ABHD2: variants seen among roughly 807,000 people sequenced by gnomAD.
ABHD2 encodes the protein monoacylglycerol lipase ABHD2.
ABHD2 carries 20 observed loss-of-function variants against 48.1 expected under a neutral mutation model. That is an observed-to-expected ratio of 0.42 (90% CI 0.29 to 0.60). The LOEUF is 0.60. Among genes scored for constraint, ABHD2 ranks in the 20% least tolerant of loss-of-function variants. The pLI, the probability that ABHD2 is intolerant of heterozygous loss-of-function variation, is 0.24. For missense variants in ABHD2, 405 were observed against 550.9 expected (o/e 0.74, Z 2.65); for synonymous variants, 209 against 214.2 (o/e 0.98, Z 0.21).
chr15:89,134,472 C>G (rs536884572), intron 3 of ABHD2, among the ~76,000 whole-genome samples: 2 of 152,194 alleles, frequency 1.3e-5, no homozygotes, highest in South Asian at 2.1e-4. Flanking sequence ...TATTTCCAGT[C>G]TTTTGTGTTC....
chr15:89,054,939 A>G, the ABHD2 span, among the ~76,000 whole-genome samples: 1 of 152,172 alleles, frequency 6.6e-6, no homozygotes, highest in African/African-American at 2.4e-5. Context: ...TCAATCTTCT[A>G]TTGTTGCCAG....
chr15:89,047,207 T>A, the ABHD2 span, among the ~76,000 whole-genome samples: 21 of 152,192 alleles, frequency 1.4e-4, no homozygotes, highest in Non-Finnish European at 2.4e-4. Flanking sequence ...TTGAGCGGTT[T>A]TAAGTGAGAT....
Position 89,146,406 on chromosome 15 carries a change from G to A in ABHD2, c.195-5271G>A, listed in dbSNP as rs898273431. Among the ~76,000 whole-genome samples, 5 of 148,714 alleles carry A rather than the reference G, an allele frequency of 3.4e-5. 1 individual carries two copies. The highest frequency in any genetic ancestry group is 1.2e-4 in the African/African-American group (5 of 40,372). On this transcript the variant is annotated intron_variant, in intron 3 of 10. Coordinates refer to ENST00000352732, the MANE Select transcript of ABHD2 (RefSeq NM_152924.5). This position sits in a 1 kb window ranked among gnomAD's most constrained non-coding sequence, Gnocchi z 4.2. ...TGTGTGTGTGTGTGTGTGTACGTATGTATATGGGGGGTGGGAGGGAGATCC... is the reference window on the plus strand; with the variant it reads ...TGTGTGTGTGTGTGTGTGTACGTATATATATGGGGGGTGGGAGGGAGATCC...
At position 89,185,562 on chromosome 15, in the gene ABHD2, T is replaced by C. The variant is rs1394699360; in HGVS notation, c.815+46T>C. ...TCTCAGGAGACAGACAGTTCCTTCC[T>C]GAGCTCATCTGGGAACCGTGAAAAG... On this transcript the variant is annotated intron_variant, in intron 7 of 10. Transcript: ENST00000352732. The surrounding 1 kb of genome is among the most constrained non-coding windows in gnomAD (Gnocchi z 5.9). 6.4e-7 allele frequency: 1 copy of C among 1,551,650 alleles called. No homozygotes were observed. Among genetic ancestry groups the C allele is most frequent in the South Asian group, 1.1e-5 (1 of 89,536 alleles).
Position 89,151,778 on chromosome 15 carries a change from A to T in ABHD2, c.296A>T (p.Lys99Met). 1 of 1,614,244 alleles carries T rather than the reference A, an allele frequency of 6.2e-7. No homozygotes were observed. Among genetic ancestry groups the T allele is most frequent in the Non-Finnish European group, 8.5e-7 (1 of 1,180,038 alleles). ...VRSPHPYGHRKFITMSDGATS... is the reference protein window; with the variant it reads ...VRSPHPYGHRMFITMSDGATS... ...TCGCCACATCCTTATGGGCACCGGA[A>T]GTTCATCACTATGTCTGATGGAGCC... Residue 99 changes from lysine to methionine, a missense_variant, in exon 4 of 11, where the codon AAG becomes ATG. Physicochemically the swap from Lys to Met is moderately conservative, Grantham distance 95. Coordinates refer to ENST00000352732, the MANE Select transcript of ABHD2 (RefSeq NM_152924.5). This position sits in a 1 kb window ranked among gnomAD's most constrained non-coding sequence, Gnocchi z 4.7.
rs1030975282 is a variant in ABHD2, at chr15:89,106,278, A to G, written c.-106-7447A>G. ...GTGCCATTGCACTGCAGCTTGGGCG[A>G]CAAGAGCGAAACTCCATCTCAAAAA... On this transcript the variant is annotated intron_variant, in intron 1 of 10. Transcript: ENST00000352732. The surrounding 1 kb of genome is among the most constrained non-coding windows in gnomAD (Gnocchi z 4.2). 1 of 152,894 alleles carries G rather than the reference A, an allele frequency of 6.5e-6. No individual in the cohort carries two copies. The highest frequency in any genetic ancestry group is 2.4e-5 in the African/African-American group (1 of 41,470). The allele number at this position is 152,894 out of a possible 1,614,324, so 9.5% of individuals were successfully genotyped here. A position where few individuals can be genotyped will look rare whatever the true frequency, so the allele number is the denominator to read the frequency against.
chr15:89,156,330 C>T (rs956271654), intron 5 of ABHD2, among the ~76,000 whole-genome samples: 1 of 151,658 alleles, frequency 6.6e-6, no homozygotes, highest in Non-Finnish European at 1.5e-5. Flanking sequence ...ACCATGTTAG[C>T]CAGGATGGTC....
chr15:89,095,039 G>C (rs1029227311), intron 1 of ABHD2, among the ~76,000 whole-genome samples: 4 of 149,200 alleles, frequency 2.7e-5, no homozygotes, highest in South Asian at 2.1e-4. Context: ...ACTCCAGCCT[G>C]GGTGACAGAG....
the ABHD2 span, among the ~76,000 whole-genome samples, chr15:89,075,063 G>T: frequency 6.6e-6 from 1 of 152,062 alleles, no homozygotes; most frequent in Non-Finnish European, 1.5e-5. The surrounding 1 kb of genome is among the most constrained non-coding windows in gnomAD (Gnocchi z 4.1). Context: ...GCCTTTTCTC[G>T]GTAATTCTTC....
chr15:89,112,011 G>T (rs2049883300), intron 1 of ABHD2, among the ~76,000 whole-genome samples: 1 of 151,894 alleles, frequency 6.6e-6, no homozygotes, highest in South Asian at 2.1e-4. Flanking sequence ...GGGCTAGAAG[G>T]GACCTTAGAT....
intron 1 of ABHD2, among the ~76,000 whole-genome samples, chr15:89,109,395 C>G (rs1326751974): frequency 6.6e-6 from 1 of 152,170 alleles, no homozygotes. Flanking sequence ...AAGGTGTGGG[C>G]TAGCCGACAG....
At chr15:89,086,570 A>G (rs1271052824), upstream of ABHD2, among the ~76,000 whole-genome samples, 2 of 152,076 alleles carry the variant, frequency 1.3e-5, no homozygotes, top group Admixed American at 1.3e-4. Flanking sequence ...ATGCACCACC[A>G]CATCAGGCTA....
At chr15:89,169,204 T>A (rs1243740444) in intron 5 of ABHD2, among the ~76,000 whole-genome samples, 1 of 152,208 alleles carries the variant, frequency 6.6e-6, no homozygotes, top group African/African-American at 2.4e-5. Context: ...ATTTGTGATA[T>A]AAGGCAAGGG....
At position 89,098,772 on chromosome 15, in the gene ABHD2, C is replaced by A. The variant is rs143433862; in HGVS notation, c.-107+10209C>A. ...TCCCTCCATCTATCATTAATATCAC[C>A]CATCAGTCTATTTATTGACTCTACA... On this transcript the variant is annotated intron_variant, in intron 1 of 10. Transcript: ENST00000352732. Among the ~76,000 whole-genome samples the A allele has an allele frequency of 2.0e-3, 306 of 152,230 alleles. 1 individual carries two copies. Among genetic ancestry groups the A allele is most frequent in the African/African-American group, 7.0e-3 (291 of 41,550 alleles).
chr15:89,043,687 GGGAGGAGGAGGAGA>G, the ABHD2 span, among the ~76,000 whole-genome samples: 1 of 125,646 alleles, frequency 8.0e-6, no homozygotes, highest in Admixed American at 7.8e-5. Flanking sequence ...AAGGAGGAGG[GGGAGGAGGAGGAGA>G]GGAGGAGGAA....
In ABHD2 at chr15:89,167,681, A is replaced by C. The variant is rs1306521203; in HGVS notation, c.539-8131A>C. On this transcript the variant is annotated intron_variant, in intron 5 of 10. Transcript: ENST00000352732. The surrounding 1 kb of genome is among the most constrained non-coding windows in gnomAD (Gnocchi z 5.5). ...GGGCAAGGCCAACTAATTTGATAGC[A>C]CAAAGGGGCCTTAACTTTATTTCTA... 1.3e-5 allele frequency among the ~76,000 whole-genome samples: 2 copies of C among 152,208 alleles called. No homozygotes were observed. Among genetic ancestry groups the C allele is most frequent in the African/African-American group, 4.8e-5 (2 of 41,444 alleles).
At chr15:89,064,238 T>A in the ABHD2 span, among the ~76,000 whole-genome samples, 5 of 133,156 alleles carry the variant, frequency 3.8e-5, no homozygotes, top group African/African-American at 1.3e-4. Flanking sequence ...TTTTTTTTTT[T>A]ACACGGAGTC....
At position 89,167,521 on chromosome 15, in the gene ABHD2, T is replaced by C. The variant is rs2050855926; in HGVS notation, c.539-8291T>C. ...TCCAAAGCAGAACAGTGGCCAAGAG[T>C]GGTGAGTTCTGCACTTTCAGGATGA... On this transcript the variant is annotated intron_variant, in intron 5 of 10. Transcript: ENST00000352732. This position sits in a 1 kb window ranked among gnomAD's most constrained non-coding sequence, Gnocchi z 5.5. Among the ~76,000 whole-genome samples, 1 of 151,926 alleles carries C rather than the reference T, an allele frequency of 6.6e-6. No homozygotes were observed. Among genetic ancestry groups the C allele is most frequent in the South Asian group, 2.1e-4 (1 of 4,806 alleles).
At chr15:89,193,852 C>T (rs1483887546) in intron 10 of ABHD2, among the ~76,000 whole-genome samples, 4 of 146,834 alleles carry the variant, frequency 2.7e-5, no homozygotes, top group South Asian at 2.2e-4. Context: ...ACCCGGGAGG[C>T]GGAGCTTGCA....
Sources: allele counts gnomAD v4.1 joint callset (sites outside exome capture counted in the v4.1 genomes callset), GRCh38; gene constraint gnomAD v4.1.1; non-coding constraint Gnocchi (gnomAD v3.1); transcripts MANE v1.5; gene names NCBI Gene and HGNC (gene_info 2026-07-23, HGNC 2026-07-21).